Variants in PDE8B observed in about 807,000 individuals in gnomAD.
PDE8B encodes the protein phosphodiesterase 8B, also known as high affinity cAMP-specific and IBMX-insensitive 3',5'-cyclic phosphodiesterase 8B.
In PDE8B, 26 loss-of-function variants were observed where a neutral mutation model predicts 101.3. The observed-to-expected ratio is 0.26, with a 90% CI of 0.19 to 0.36. PDE8B has a LOEUF of 0.36. PDE8B is among the 10% of genes least tolerant of loss of function. The pLI is 1.00. For missense variants in PDE8B, 810 were observed against 1,163.1 expected (o/e 0.70, Z 4.42); for synonymous variants, 424 against 429.3 (o/e 0.99, Z 0.15).
At chr5:77,377,448 T>C (rs544124782) in intron 10 of PDE8B, among the ~76,000 whole-genome samples, 1 of 152,210 alleles carries the variant, frequency 6.6e-6, no homozygotes, top group Non-Finnish European at 1.5e-5. Flanking sequence ...CAATGTGGCT[T>C]AACAAGCCTT....
the PDE8B span, among the ~76,000 whole-genome samples, chr5:77,107,371 G>A: frequency 1.4e-3 from 216 of 152,170 alleles, no homozygotes; most frequent in African/African-American, 4.8e-3. Flanking sequence ...ACCTTGTATC[G>A]TATGACCTTG....
At chr5:77,341,343 T>C (rs1202933901) in intron 6 of PDE8B, among the ~76,000 whole-genome samples, 2 of 152,202 alleles carry the variant, frequency 1.3e-5, no homozygotes, top group Non-Finnish European at 2.9e-5. Flanking sequence ...CTTTGTCTTA[T>C]GGGGCTTTAT....
the PDE8B span, among the ~76,000 whole-genome samples, chr5:77,161,410 A>C: frequency 6.6e-6 from 1 of 152,244 alleles, no homozygotes; most frequent in African/African-American, 2.4e-5. Context: ...TTTTGATTAT[A>C]CATTTGATTA....
chr5:77,244,980 C>T (rs1000232150), intron 1 of PDE8B, among the ~76,000 whole-genome samples: 11 of 152,154 alleles, frequency 7.2e-5, no homozygotes, highest in Admixed American at 2.6e-4. Flanking sequence ...AAAAATATCA[C>T]GCAGACATAG....
At chr5:77,361,017 G>A (rs962862841) in intron 10 of PDE8B, among the ~76,000 whole-genome samples, 1 of 152,194 alleles carries the variant, frequency 6.6e-6, no homozygotes, top group Admixed American at 6.5e-5. Flanking sequence ...ATATAAGCAT[G>A]CATTTAAGCA....
intron 2 of PDE8B, among the ~76,000 whole-genome samples, chr5:77,312,356 G>A (rs1022208859): frequency 3.3e-5 from 5 of 152,078 alleles, no homozygotes; most frequent in Admixed American, 1.3e-4. Context: ...TGCCTGCCTC[G>A]GCCTCCCAGA....
At chr5:77,239,416 T>C (rs1440332257) in intron 1 of PDE8B, among the ~76,000 whole-genome samples, 3 of 152,226 alleles carry the variant, frequency 2.0e-5, no homozygotes, top group Non-Finnish European at 2.9e-5. Context: ...TCCATATATA[T>C]GCAGCTTGGA....
chr5:77,371,980 C>T (rs573798154), intron 10 of PDE8B, among the ~76,000 whole-genome samples: 6 of 152,174 alleles, frequency 3.9e-5, no homozygotes, highest in African/African-American at 1.2e-4. Flanking sequence ...GTTGGCATAT[C>T]ACTTCAGGCC....
At chr5:77,277,127 G>A (rs1158891848) in intron 1 of PDE8B, among the ~76,000 whole-genome samples, 1 of 151,986 alleles carries the variant, frequency 6.6e-6, no homozygotes, top group African/African-American at 2.4e-5. Context: ...TTCTCCAAGG[G>A]GTGCTGTGGT....
chr5:77,377,888 C>T (rs1786476206), intron 10 of PDE8B, among the ~76,000 whole-genome samples: 1 of 152,148 alleles, frequency 6.6e-6, no homozygotes, highest in Non-Finnish European at 1.5e-5. Context: ...ACTTATGCTA[C>T]TGCCTTCCCT....
intron 17 of PDE8B, among the ~76,000 whole-genome samples, chr5:77,414,452 G>A (rs1795127798): frequency 1.3e-5 from 2 of 152,046 alleles, no homozygotes; most frequent in South Asian, 4.1e-4. Context: ...ATGGAGTCTT[G>A]CACTGTTGCC....
At chr5:77,284,538 A>T (rs1277565686) in intron 1 of PDE8B, among the ~76,000 whole-genome samples, 2 of 152,238 alleles carry the variant, frequency 1.3e-5, no homozygotes, top group Admixed American at 1.3e-4. Flanking sequence ...AGTCATAAGT[A>T]TACAAGTTGA....
chr5:77,092,497 T>G, the PDE8B span: 8 of 152,122 alleles, frequency 5.3e-5, no homozygotes, highest in Non-Finnish European at 1.2e-4. Flanking sequence ...CACAGGAGGA[T>G]CTCATTTCTG....
At chr5:77,217,696 G>A (rs1334973165) in intron 1 of PDE8B, among the ~76,000 whole-genome samples, 1 of 151,876 alleles carries the variant, frequency 6.6e-6, no homozygotes, top group Admixed American at 6.6e-5. Context: ...CACCACCCTC[G>A]GCTAATTTTT....
chr5:77,097,724 T>TATATATATATATAG, the PDE8B span, among the ~76,000 whole-genome samples: 1 of 48,744 alleles, frequency 2.1e-5, no homozygotes, highest in African/African-American at 4.2e-5. Flanking sequence ...TATATATATA[T>TATATATATATATAG]ATATATATAC....
At chr5:77,179,729 C>T in the PDE8B span, among the ~76,000 whole-genome samples, 1 of 152,142 alleles carries the variant, frequency 6.6e-6, no homozygotes, top group South Asian at 2.1e-4. Flanking sequence ...ACTTCAGCCC[C>T]TAATAGATTT....
At chr5:77,397,670 A>G (rs1387535779) in intron 10 of PDE8B, among the ~76,000 whole-genome samples, 1 of 152,206 alleles carries the variant, frequency 6.6e-6, no homozygotes, top group African/African-American at 2.4e-5. Context: ...TCAAGGTGTC[A>G]GTATATTCTT....
intron 20 of PDE8B, among the ~76,000 whole-genome samples, chr5:77,425,145 G>A (rs907850411): frequency 2.0e-5 from 3 of 152,228 alleles, no homozygotes; most frequent in African/African-American, 7.2e-5. Flanking sequence ...GTTTTGGTAT[G>A]AGAATTTGTG....
At chr5:77,229,010 T>C (rs1000188449) in intron 1 of PDE8B, among the ~76,000 whole-genome samples, 1 of 152,092 alleles carries the variant, frequency 6.6e-6, no homozygotes, top group African/African-American at 2.4e-5. Flanking sequence ...GGCAGAACAT[T>C]CTTGTTAGGA....
Sources: allele counts gnomAD v4.1 joint callset (sites outside exome capture counted in the v4.1 genomes callset), GRCh38; gene constraint gnomAD v4.1.1; transcripts MANE v1.5; gene names NCBI Gene and HGNC (gene_info 2026-07-23, HGNC 2026-07-21).